The following HYAL4 variants were observed in gnomAD, a reference collection of about 807,000 sequenced individuals.
HYAL4 encodes hyaluronidase-4.
A neutral mutation model predicts 35.2 loss-of-function variants in HYAL4; 37 were observed. That is an observed-to-expected ratio of 1.05 (90% CI 0.81 to 1.38). The LOEUF is 1.38. Among genes scored for constraint, HYAL4 ranks in the 40% most tolerant of loss-of-function variants. The pLI is 0.00. For synonymous variants in HYAL4, 198 were observed against 203.2 expected, an observed-to-expected ratio of 0.97 and a Z score of 0.22; for missense variants, 572 against 572.4, an observed-to-expected ratio of 1.00 and a Z score of 0.01.
chr7:123,774,526 C>T, the HYAL4 span, among the ~76,000 whole-genome samples: 1 of 152,040 alleles, frequency 6.6e-6, no homozygotes, highest in African/African-American at 2.4e-5. Context: ...ATTGGGATAG[C>T]GGCAACTGCT....
At chr7:123,859,837 C>A (rs980005252) in intron 2 of HYAL4, among the ~76,000 whole-genome samples, 2 of 152,164 alleles carry the variant, frequency 1.3e-5, no homozygotes, top group African/African-American at 4.8e-5. Flanking sequence ...AACAGAACTT[C>A]CTTCTCAAAT....
upstream of HYAL4, among the ~76,000 whole-genome samples, chr7:123,824,141 A>ACAC (rs1805767577): frequency 6.6e-6 from 1 of 152,196 alleles, no homozygotes; most frequent in Non-Finnish European, 1.5e-5. Flanking sequence ...GACCTTGATC[A>ACAC]AGTAATTGAC....
chr7:123,862,406 A>G (rs1280649504), intron 2 of HYAL4, among the ~76,000 whole-genome samples: 1 of 152,168 alleles, frequency 6.6e-6, no homozygotes, highest in Non-Finnish European at 1.5e-5. Context: ...TGAAAAAAGA[A>G]ATAGAAGACA....
intron 2 of HYAL4, among the ~76,000 whole-genome samples, chr7:123,853,312 C>T (rs1207381746): frequency 1.3e-5 from 2 of 152,118 alleles, no homozygotes; most frequent in Non-Finnish European, 2.9e-5. Flanking sequence ...TCTTGTGCTG[C>T]TTTTCAAAGG....
chr7:123,782,863 G>T, the HYAL4 span, among the ~76,000 whole-genome samples: 5 of 151,592 alleles, frequency 3.3e-5, no homozygotes, highest in African/African-American at 9.7e-5. Context: ...CTTTTTTCCT[G>T]TGACACATAT....
intron 2 of HYAL4, among the ~76,000 whole-genome samples, chr7:123,867,589 T>C (rs1354215299): frequency 6.6e-6 from 1 of 152,200 alleles, no homozygotes; most frequent in East Asian, 1.9e-4. Context: ...AAACATCTAT[T>C]CTTTGGGATA....
chr7:123,829,731 C>T (rs644003), intron 1 of HYAL4, among the ~76,000 whole-genome samples: 1 of 152,074 alleles, frequency 6.6e-6, no homozygotes. Context: ...CAACTTCAGC[C>T]TGAGGTGGGA....
the HYAL4 span, among the ~76,000 whole-genome samples, chr7:123,821,135 T>C: frequency 3.9e-5 from 6 of 152,230 alleles, no homozygotes; most frequent in African/African-American, 1.2e-4. Flanking sequence ...CTCTTTGAGA[T>C]TGCAATTTCA....
the HYAL4 span, among the ~76,000 whole-genome samples, chr7:123,792,554 G>A: frequency 2.0e-5 from 3 of 152,140 alleles, no homozygotes; most frequent in Non-Finnish European, 4.4e-5. Context: ...AAGGCTTGGA[G>A]CCCACACCTG....
chr7:123,869,166 T>G lies in HYAL4; in HGVS notation c.893T>G (p.Leu298Arg). 2 of 1,614,134 alleles carry G rather than the reference T, an allele frequency of 1.2e-6. No individual in the cohort carries two copies. Among genetic ancestry groups the G allele is most frequent in the Non-Finnish European group, 1.7e-6 (2 of 1,180,028 alleles). Residue 298 changes from leucine (L) to arginine (R), a missense_variant, in exon 3 of 5, where the codon CTG becomes CGG. By Grantham distance (102) the Leu-to-Arg change is moderately radical. Transcript: ENST00000223026. The stretch of plus-strand genomic sequence containing the variant: ...ACCATGACATCTCATGATTATGCTC[T>G]GCCTGTATTTGTCTACACAAGGCTA... ...ISTMTSHDYA[L>R]PVFVYTRLGY...
intron 1 of HYAL4, among the ~76,000 whole-genome samples, chr7:123,832,267 CTG>C (rs1805894922): frequency 6.6e-6 from 1 of 151,852 alleles, no homozygotes; most frequent in Non-Finnish European, 1.5e-5. Flanking sequence ...TAAAGTAACT[CTG>C]TTTTTCTTTC....
upstream of HYAL4, among the ~76,000 whole-genome samples, chr7:123,828,114 G>T (rs753176517): frequency 6.6e-6 from 1 of 152,064 alleles, no homozygotes; most frequent in Non-Finnish European, 1.5e-5. Flanking sequence ...AATACCCAAT[G>T]GTAGACTTGT....
At chr7:123,799,308 A>G in the HYAL4 span, among the ~76,000 whole-genome samples, 1 of 152,004 alleles carries the variant, frequency 6.6e-6, no homozygotes, top group Admixed American at 6.6e-5. Context: ...AATTAATTTC[A>G]TAGCTCCTTT....
chr7:123,814,665 G>A, the HYAL4 span: 3 of 152,586 alleles, frequency 2.0e-5, no homozygotes, highest in Non-Finnish European at 1.5e-5. Context: ...ACAGTTGCCC[G>A]AGAGGAATTT....
intron 2 of HYAL4, among the ~76,000 whole-genome samples, chr7:123,867,379 T>C (rs1332072483): frequency 1.3e-5 from 2 of 152,182 alleles, no homozygotes; most frequent in Non-Finnish European, 2.9e-5. Context: ...AGGCAAGTGG[T>C]CAGTTAGGCA....
the HYAL4 span, among the ~76,000 whole-genome samples, chr7:123,797,708 C>T: frequency 5.1e-4 from 78 of 152,282 alleles, no homozygotes; most frequent in African/African-American, 1.6e-3. Context: ...GCACATGGCT[C>T]TTTGAAGATA....
intron 2 of HYAL4, among the ~76,000 whole-genome samples, chr7:123,850,081 G>A (rs1386776873): frequency 1.3e-5 from 2 of 151,250 alleles, no homozygotes; most frequent in African/African-American, 4.9e-5. Context: ...ACACATGTTA[G>A]AATCATTGTT....
intron 2 of HYAL4, among the ~76,000 whole-genome samples, chr7:123,862,837 A>T (rs1806604887): frequency 3.3e-5 from 5 of 152,216 alleles, no homozygotes; most frequent in Admixed American, 3.3e-4. Context: ...AGACAATGTC[A>T]TTCTTCTTTC....
At chr7:123,862,033 G>A (rs1806586555) in intron 2 of HYAL4, among the ~76,000 whole-genome samples, 1 of 152,076 alleles carries the variant, frequency 6.6e-6, no homozygotes, top group South Asian at 2.1e-4. Context: ...GAGCATTGAT[G>A]TTTCAAAAGA....
Sources: allele counts gnomAD v4.1 joint callset (sites outside exome capture counted in the v4.1 genomes callset), GRCh38; gene constraint gnomAD v4.1.1; transcripts MANE v1.5; gene names NCBI Gene and HGNC (gene_info 2026-07-23, HGNC 2026-07-21).